SLC35F4: variants seen among roughly 807,000 people sequenced by gnomAD.
SLC35F4 encodes solute carrier family 35 member F4.
In SLC35F4, 24 loss-of-function variants were observed where a neutral mutation model predicts 44.2. The observed-to-expected ratio is 0.54, with a 90% CI of 0.39 to 0.76. SLC35F4 has a LOEUF of 0.76. SLC35F4 is among the 30% of genes least tolerant of loss of function. SLC35F4 has a pLI of 0.00. For missense variants in SLC35F4, 562 were observed against 586.1 expected (o/e 0.96, Z 0.42); for synonymous variants, 238 against 223.6 (o/e 1.06, Z -0.57).
At chr14:57,754,098 CTTTTTTT>C (rs1200175550) in intron 1 of SLC35F4, among the ~76,000 whole-genome samples, 1 of 110,444 alleles carries the variant, frequency 9.1e-6, no homozygotes, top group Non-Finnish European at 1.8e-5. Flanking sequence ...TAACCCAATG[CTTTTTTT>C]TTTTTTTTTT....
intron 1 of SLC35F4, among the ~76,000 whole-genome samples, chr14:57,967,565 G>A (rs923562724): frequency 4.0e-5 from 6 of 150,642 alleles, no homozygotes; most frequent in African/African-American, 1.2e-4. Context: ...GCCAAATTTT[G>A]TTTTAACGTC....
intron 1 of SLC35F4, among the ~76,000 whole-genome samples, chr14:57,928,943 G>T (rs1406260772): frequency 6.6e-6 from 1 of 152,190 alleles, no homozygotes; most frequent in East Asian, 1.9e-4. Context: ...AAAAGAGGAA[G>T]CAGAGGAAAT....
intron 1 of SLC35F4, among the ~76,000 whole-genome samples, chr14:57,720,309 T>C (rs1354729542): frequency 6.6e-6 from 1 of 152,194 alleles, no homozygotes; most frequent in Non-Finnish European, 1.5e-5. Context: ...TTAACGTGCC[T>C]TTGTCTGATT....
At chr14:57,856,700 T>C (rs887544614) in intron 1 of SLC35F4, among the ~76,000 whole-genome samples, 2 of 152,038 alleles carry the variant, frequency 1.3e-5, no homozygotes, top group African/African-American at 2.4e-5. Flanking sequence ...ATGGTACTTA[T>C]TTGTTACTGT....
intron 1 of SLC35F4, among the ~76,000 whole-genome samples, chr14:57,699,886 A>G (rs1485484040): frequency 1.3e-5 from 2 of 152,198 alleles, no homozygotes; most frequent in African/African-American, 4.8e-5. Context: ...CTTTGAGTTG[A>G]GAGTCCATGG....
At chr14:57,958,161 C>T (rs1300672996) in intron 1 of SLC35F4, among the ~76,000 whole-genome samples, 1 of 152,056 alleles carries the variant, frequency 6.6e-6, no homozygotes, top group Non-Finnish European at 1.5e-5. Flanking sequence ...AGGTTCACGC[C>T]GTTCTCCTGC....
In SLC35F4 at chr14:57,720,881, A is replaced by G. The variant is rs186008134; in HGVS notation, c.104-126757T>C. ...TCCTGTCCTCAAACATTGGACTTCA[A>G]GTTCTTCAGTTTTGGGATTTGGACT... is the stretch of plus-strand genomic sequence containing the variant. On this transcript the variant is annotated intron_variant, in intron 1 of 7. Transcript: ENST00000556826. Among the ~76,000 whole-genome samples, 183 of 150,518 alleles carry G rather than the reference A, an allele frequency of 1.2e-3. 2 individuals are homozygous for G. In the East Asian group the frequency reaches 0.034, roughly 28 times the overall value.
intron 1 of SLC35F4, among the ~76,000 whole-genome samples, chr14:57,942,197 G>A (rs1889928339): frequency 6.6e-6 from 1 of 152,186 alleles, no homozygotes; most frequent in African/African-American, 2.4e-5. Context: ...TTCTTACAGA[G>A]AATGTTCCAG....
At chr14:57,815,520 T>A in intron 1 of SLC35F4, among the ~76,000 whole-genome samples, 1 of 152,194 alleles carries the variant, frequency 6.6e-6, no homozygotes, top group South Asian at 2.1e-4. Context: ...TGAGACAAAC[T>A]CTAAAACATT....
chr14:57,707,959 C>T (rs775589146), intron 1 of SLC35F4, among the ~76,000 whole-genome samples: 16 of 152,126 alleles, frequency 1.1e-4, no homozygotes, highest in Admixed American at 2.0e-4. Context: ...GATTAACAGC[C>T]CTTTCCCAAA....
At chr14:57,661,287 G>C (rs1413703369) in intron 1 of SLC35F4, among the ~76,000 whole-genome samples, 2 of 152,094 alleles carry the variant, frequency 1.3e-5, no homozygotes, top group African/African-American at 4.8e-5. Flanking sequence ...GGACAGCATT[G>C]AACAGGAACC....
At chr14:57,828,754 C>A (rs1416816289) in intron 1 of SLC35F4, among the ~76,000 whole-genome samples, 1 of 152,132 alleles carries the variant, frequency 6.6e-6, no homozygotes, top group East Asian at 1.9e-4. Context: ...TTTCAGAAAA[C>A]AGCAAACTCT....
At chr14:57,918,200 C>T (rs778370664) in intron 1 of SLC35F4, among the ~76,000 whole-genome samples, 10 of 152,280 alleles carry the variant, frequency 6.6e-5, no homozygotes, top group Middle Eastern at 3.4e-3. Context: ...AGAACCTGAT[C>T]GAGCTCCTGG....
At chr14:57,594,288 C>T (rs188400657) in intron 1 of SLC35F4, among the ~76,000 whole-genome samples, 164 bp from the exon 2 acceptor site, 1 of 152,266 alleles carries the variant, frequency 6.6e-6, no homozygotes, top group African/African-American at 2.4e-5. Context: ...CTCCCAGGTT[C>T]GAGCAATTCT....
At chr14:57,629,814 C>T (rs6573157) in intron 1 of SLC35F4, 229,153 of 333,978 alleles carry the variant, frequency 0.69, 80,574 homozygotes, top group Admixed American at 0.75. Context: ...TGACTGTAGA[C>T]GAGAAGTGGG....
intron 5 of SLC35F4, among the ~76,000 whole-genome samples, chr14:57,570,702 G>T (rs974344666): frequency 6.6e-6 from 1 of 152,118 alleles, no homozygotes; most frequent in Admixed American, 6.6e-5. Flanking sequence ...CTTCTGCCTG[G>T]AATTATATTA....
chr14:57,703,016 T>C (rs375799144), intron 1 of SLC35F4, among the ~76,000 whole-genome samples: 102 of 152,070 alleles, frequency 6.7e-4, no homozygotes, highest in African/African-American at 2.0e-3. Context: ...ACAGTGTAGA[T>C]TGATTTTGCA....
chr14:57,572,265 T>G (rs2139710011), intron 4 of SLC35F4, among the ~76,000 whole-genome samples: 1 of 152,278 alleles, frequency 6.6e-6, no homozygotes. Context: ...TTTTAATATA[T>G]TTTTACTTTT....
chr14:57,852,854 G>T (rs1198541912), intron 1 of SLC35F4, among the ~76,000 whole-genome samples: 1 of 152,166 alleles, frequency 6.6e-6, no homozygotes, highest in Non-Finnish European at 1.5e-5. Context: ...AAACCTGAAG[G>T]CTCTAACGCT....
Sources: allele counts gnomAD v4.1 joint callset (sites outside exome capture counted in the v4.1 genomes callset), GRCh38; gene constraint gnomAD v4.1.1; transcripts MANE v1.5; gene names NCBI Gene and HGNC (gene_info 2026-07-23, HGNC 2026-07-21).